DMXL2: variants seen among roughly 807,000 people sequenced by gnomAD.
DMXL2 encodes dmX-like protein 2.
DMXL2 carries 103 observed loss-of-function variants against 331.1 expected under a neutral mutation model. The observed-to-expected ratio is 0.31, with a 90% confidence interval of 0.27 to 0.37. The LOEUF is 0.37. Ranked by LOEUF, DMXL2 falls within the 10% of genes least tolerant of loss-of-function variation. The pLI, the probability that DMXL2 is intolerant of heterozygous loss-of-function variation, is 1.00. For synonymous variants in DMXL2, 1,281 were observed against 1,252.1 expected (o/e 1.02, Z -0.49); for missense variants, 3,171 against 3,642.9 (o/e 0.87, Z 3.33).
intron 1 of DMXL2, 108 bp downstream of exon 1, chr15:51,622,351 C>T: frequency 2.8e-6 from 4 of 1,449,704 alleles, no homozygotes; most frequent in Non-Finnish European, 3.7e-6. Context: ...GGGTGGGGCC[C>T]ACCAACATCT....
At chr15:51,561,210 G>C (rs532219763) in intron 6 of DMXL2, among the ~76,000 whole-genome samples, 1 of 152,154 alleles carries the variant, frequency 6.6e-6, no homozygotes. Context: ...GAAATAACAC[G>C]AAAGAAATAA....
At chr15:51,527,025 T>A (rs1323546315) in intron 13 of DMXL2, among the ~76,000 whole-genome samples, 1 of 152,060 alleles carries the variant, frequency 6.6e-6, no homozygotes, top group East Asian at 1.9e-4. Flanking sequence ...GACATCAATA[T>A]CCGAGTACAA....
chr15:51,602,426 C>T (rs186756603), intron 1 of DMXL2, among the ~76,000 whole-genome samples: 36 of 152,190 alleles, frequency 2.4e-4, no homozygotes, highest in Admixed American at 2.0e-3. Flanking sequence ...AGAGTGGATC[C>T]ACGTTGCTCT....
intron 6 of DMXL2, among the ~76,000 whole-genome samples, chr15:51,558,281 G>A (rs771176128): frequency 2.0e-5 from 3 of 152,102 alleles, no homozygotes; most frequent in Non-Finnish European, 4.4e-5. Context: ...TTCCAATCCA[G>A]TATATTTCGT....
chr15:51,547,917 C>T (rs1438544020), intron 6 of DMXL2, among the ~76,000 whole-genome samples: 1 of 152,100 alleles, frequency 6.6e-6, no homozygotes, highest in Non-Finnish European at 1.5e-5. Flanking sequence ...GTGGGCTACA[C>T]AGGTCTATGA....
At position 51,467,872 on chromosome 15, in the gene DMXL2, A is replaced by G. The variant is rs945325912; in HGVS notation, c.7393-1561T>C. On this transcript the variant is annotated intron_variant, in intron 29 of 43. Coordinates refer to ENST00000560891, the MANE Select transcript of DMXL2 (RefSeq NM_001378457.1). The stretch of plus-strand genomic sequence containing the variant: ...CTCCCGAGTAGCTGGGACTACAGGC[A>G]CCTGCCACCACGCCCGGCTAATTTT... 4.7e-4 allele frequency among the ~76,000 whole-genome samples: 71 copies of G among 151,936 alleles called. 1 individual carries two copies. The highest frequency in any genetic ancestry group is 1.4e-3 in the African/African-American group (59 of 41,458).
intron 6 of DMXL2, among the ~76,000 whole-genome samples, chr15:51,561,167 A>G (rs1199685514): frequency 6.6e-6 from 1 of 152,256 alleles, no homozygotes; most frequent in African/African-American, 2.4e-5. Flanking sequence ...AAAAGTATCC[A>G]TATCTGAATA....
At chr15:51,611,584 A>C (rs1297623401) in intron 1 of DMXL2, among the ~76,000 whole-genome samples, 1 of 152,118 alleles carries the variant, frequency 6.6e-6, no homozygotes, top group Admixed American at 6.5e-5. Flanking sequence ...TACTTTTTAC[A>C]TCTTGCGGGG....
intron 6 of DMXL2, among the ~76,000 whole-genome samples, chr15:51,548,990 G>A (rs1334915475): frequency 3.3e-5 from 5 of 151,854 alleles, no homozygotes; most frequent in Non-Finnish European, 7.4e-5. Context: ...GGTTTTGGGG[G>A]AACAGGTAGT....
At chr15:51,459,415 G>A (rs2039935547) in intron 34 of DMXL2, among the ~76,000 whole-genome samples, 183 bp downstream of exon 34, 1 of 152,118 alleles carries the variant, frequency 6.6e-6, no homozygotes, top group Admixed American at 6.6e-5. Flanking sequence ...AGAACCAAGG[G>A]CAAGACAGAG....
At chr15:51,517,356 A>T (rs1453228870) in intron 13 of DMXL2, among the ~76,000 whole-genome samples, 189 bp from the exon 14 acceptor site, 1 of 152,236 alleles carries the variant, frequency 6.6e-6, no homozygotes, top group African/African-American at 2.4e-5. Flanking sequence ...AAGCAGAGAG[A>T]AAACTATAAT....
chr15:51,565,219 A>G (rs773989111), intron 3 of DMXL2, 53 bp from the exon 4 acceptor site: 329 of 1,191,024 alleles, frequency 2.8e-4, no homozygotes, highest in Non-Finnish European at 3.6e-4. Context: ...TGTTTTTCAA[A>G]TAATATCCCA....
intron 1 of DMXL2, among the ~76,000 whole-genome samples, chr15:51,581,178 G>T (rs913061199): frequency 6.6e-6 from 1 of 152,188 alleles, no homozygotes; most frequent in African/African-American, 2.4e-5. Flanking sequence ...CATCCTGCCA[G>T]ATCAGCGGTG....
In DMXL2 at chr15:51,547,344, T is replaced by A. The variant is rs774608628; in HGVS notation, c.632A>T (p.Asp211Val). The A allele has an allele frequency of 6.2e-7, 1 of 1,612,658 alleles. No individual in the cohort carries two copies. Among genetic ancestry groups the A allele is most frequent in the South Asian group, 1.1e-5 (1 of 90,886 alleles). The change falls in exon 7 of 44, where the codon GAT becomes GTT. Residue 211 changes from aspartate (D) to valine (V), a missense_variant. By Grantham distance (152) the Asp-to-Val change is radical (BLOSUM62 -3). This residue lies in a region of DMXL2 where 1,674 missense variants were observed against 1,780.2 expected (regional missense o/e 0.94). Coordinates refer to ENST00000560891, the MANE Select transcript of DMXL2 (RefSeq NM_001378457.1). ...CTGTCTCCTTTTTACTTCATGATGA[T>A]CCTGAGGTATAATTGAAGACTTCCA... is the stretch of plus-strand genomic sequence containing the variant. ...TGWKSSIIPQ[D>V]HHEVKRRQSS...
At chr15:51,611,256 T>A (rs189429654) in intron 1 of DMXL2, among the ~76,000 whole-genome samples, 3 of 152,208 alleles carry the variant, frequency 2.0e-5, no homozygotes, top group Admixed American at 6.5e-5. Flanking sequence ...AAATAACCAA[T>A]GGCAGTAATG....
In DMXL2 at chr15:51,601,697, G is replaced by A. The variant is rs564022254; in HGVS notation, c.87+20762C>T. Among the ~76,000 whole-genome samples the A allele has an allele frequency of 4.7e-4, 72 of 152,142 alleles. 1 individual carries two copies. The highest frequency in any genetic ancestry group is 1.7e-3 in the African/African-American group (69 of 41,474). On this transcript the variant is annotated intron_variant, in intron 1 of 43. Transcript: ENST00000560891. ...TGAGCTGGTAGAAGTCTTCTTTATTGCTCTTCAATATTGCCTTATCTATTC... is the reference window on the plus strand; with the variant it reads ...TGAGCTGGTAGAAGTCTTCTTTATTACTCTTCAATATTGCCTTATCTATTC...
Position 51,502,870 on chromosome 15 carries a change from C to A in DMXL2, c.2928G>T (p.Leu976=). Residue 976 remains leucine (L), a synonymous_variant, in exon 17 of 44, where the codon CTG becomes CTT. Transcript: ENST00000560891. ...GGAGATCAAGGGGTTGGCTATACAC[C>A]AGTCTAGAACTCAGAATAAGTTTAC... ...TASKLILSSR[L]VYSQPLDLPE... is the part of the protein sequence containing the mutation. 6.2e-7 allele frequency: 1 copy of A among 1,614,070 alleles called. No homozygotes were observed. Among genetic ancestry groups the A allele is most frequent in the Non-Finnish European group, 8.5e-7 (1 of 1,180,012 alleles).
At chr15:51,553,316 C>T (rs1268241788) in intron 6 of DMXL2, among the ~76,000 whole-genome samples, 1 of 152,146 alleles carries the variant, frequency 6.6e-6, no homozygotes, top group African/African-American at 2.4e-5. Flanking sequence ...TTGTTAATTT[C>T]AGATATAATT....
intron 13 of DMXL2, among the ~76,000 whole-genome samples, chr15:51,520,209 A>G (rs16964389): frequency 6.6e-6 from 1 of 151,950 alleles, no homozygotes; most frequent in East Asian, 1.9e-4. Context: ...CTTCACTTTC[A>G]TGTCTTACCC....
Sources: allele counts gnomAD v4.1 joint callset (sites outside exome capture counted in the v4.1 genomes callset), GRCh38; gene constraint gnomAD v4.1.1; regional missense constraint gnomAD v4.1.1; transcripts MANE v1.5; gene names NCBI Gene and HGNC (gene_info 2026-07-23, HGNC 2026-07-21).